The following PTGES3 variants were observed in gnomAD, a reference collection of about 807,000 sequenced individuals.
PTGES3 encodes prostaglandin E synthase 3.
In PTGES3, 5 loss-of-function variants were observed where a neutral mutation model predicts 29.9. That is an observed-to-expected ratio of 0.17 (90% CI 0.09 to 0.35). PTGES3 has a LOEUF of 0.35. Ranked by LOEUF, PTGES3 falls within the 10% of genes least tolerant of loss-of-function variation. The pLI is 1.00. For synonymous variants in PTGES3, 49 were observed against 57.8 expected (o/e 0.85, Z 0.69); for missense variants, 128 against 190.0 (o/e 0.67, Z 1.92).
chr12:56,673,953 G>C (rs1952114434), intron 1 of PTGES3, among the ~76,000 whole-genome samples: 1 of 152,020 alleles, frequency 6.6e-6, no homozygotes, highest in Non-Finnish European at 1.5e-5. Context: ...GGGCAACAGA[G>C]ACTCTGTCTC....
chr12:56,686,851 C>G (rs1952887575), intron 1 of PTGES3: 1 of 393,942 alleles, frequency 2.5e-6, no homozygotes, highest in Non-Finnish European at 4.4e-6. Flanking sequence ...TGACTTGAAT[C>G]AAGCAAATCC....
rs1049103130 is a variant in PTGES3 at position 56,687,922 on chromosome 12, G to A, written c.2+76C>T. ...CACCACCGATGCGAGAAAGGCTAGGGGGCCGCTTCCAGGGAGCCCCCAACG... is the reference window on the plus strand; with the variant it reads ...CACCACCGATGCGAGAAAGGCTAGGAGGCCGCTTCCAGGGAGCCCCCAACG... On this transcript the variant is annotated intron_variant, in intron 1 of 7. Coordinates refer to ENST00000262033, the MANE Select transcript of PTGES3 (RefSeq NM_006601.7). 6 of 1,603,220 alleles carry A rather than the reference G, an allele frequency of 3.7e-6. No homozygotes were observed. In the African/African-American group the frequency reaches 5.4e-5, roughly 14 times the overall value.
intron 1 of PTGES3, among the ~76,000 whole-genome samples, chr12:56,676,775 T>C (rs1952269890): frequency 6.6e-6 from 1 of 151,556 alleles, no homozygotes; most frequent in Admixed American, 6.6e-5. Flanking sequence ...ATACAAAAAT[T>C]AGACAGGCAT....
intron 1 of PTGES3, chr12:56,687,389 T>C (rs1005260099): frequency 3.6e-5 from 36 of 987,404 alleles, no homozygotes; most frequent in Non-Finnish European, 4.2e-5. Context: ...TTCAAGAGAC[T>C]GGAGTTAGGA....
At chr12:56,670,017 T>C (rs898280402) in intron 5 of PTGES3, among the ~76,000 whole-genome samples, 1 of 151,108 alleles carries the variant, frequency 6.6e-6, no homozygotes, top group Non-Finnish European at 1.5e-5. Flanking sequence ...GCAAACTAGC[T>C]GTGTTAGTTT....
intron 1 of PTGES3, among the ~76,000 whole-genome samples, chr12:56,673,477 C>A (rs1405984366): frequency 2.9e-5 from 1 of 34,280 alleles, no homozygotes; most frequent in South Asian, 1.2e-3. Context: ...ACTACAAATA[C>A]AAATACGGAA....
At chr12:56,687,899 C>G in intron 1 of PTGES3, 99 bp downstream of exon 1, 1 of 1,595,396 alleles carries the variant, frequency 6.3e-7, no homozygotes, top group Non-Finnish European at 8.5e-7. Flanking sequence ...ACGACTGCCA[C>G]CACCGATGCG....
At chr12:56,674,509 G>T (rs138214445) in intron 1 of PTGES3, among the ~76,000 whole-genome samples, 22 of 151,720 alleles carry the variant, frequency 1.5e-4, no homozygotes, top group Admixed American at 3.9e-4. Context: ...TGACCAACAC[G>T]GAGAAACTCG....
rs1228859967 is a variant in PTGES3 at position 56,688,139 on chromosome 12, G to A, written c.-140C>T. ...CCTCTTCTCGCTTCCCTCAGGCGAC[G>A]GCGGCAGCGGCGGGCTCGACCTCGG... On this transcript the variant is annotated 5_prime_UTR_variant, in exon 1 of 8. Transcript: ENST00000262033. 2.9e-6 allele frequency: 4 copies of A among 1,380,370 alleles called. No homozygotes were observed. The highest frequency in any genetic ancestry group is 3.3e-5 in the Admixed American group (1 of 30,198). The allele number at this position is 1,380,370 out of a possible 1,614,324, so 85.5% of individuals were successfully genotyped here. A position where few individuals can be genotyped will look rare whatever the true frequency, so the allele number is the denominator to read the frequency against.
intron 1 of PTGES3, among the ~76,000 whole-genome samples, chr12:56,683,825 G>A (rs992750558): frequency 1.3e-4 from 19 of 151,046 alleles, no homozygotes; most frequent in African/African-American, 4.4e-4. Flanking sequence ...CGGGCGAGGT[G>A]GCGGGTGCCT....
intron 1 of PTGES3, among the ~76,000 whole-genome samples, chr12:56,675,917 C>T (rs561466658): frequency 5.9e-5 from 9 of 151,520 alleles, no homozygotes; most frequent in African/African-American, 1.7e-4. Context: ...CGTGAAACTC[C>T]GTCTCAAAAC....
intron 1 of PTGES3, among the ~76,000 whole-genome samples, chr12:56,673,427 C>T (rs1952083962): frequency 7.3e-6 from 1 of 136,298 alleles, no homozygotes; most frequent in Admixed American, 8.6e-5. Context: ...GCCAGGAGAG[C>T]TAGAGACCAG....
chr12:56,680,840 G>A (rs1034524044), intron 1 of PTGES3, among the ~76,000 whole-genome samples: 23 of 149,868 alleles, frequency 1.5e-4, no homozygotes, highest in Admixed American at 4.7e-4. Context: ...GTGCTGTGGC[G>A]TGATCTCAGC....
At chr12:56,680,499 C>A (rs1212732804) in intron 1 of PTGES3, among the ~76,000 whole-genome samples, 2 of 152,094 alleles carry the variant, frequency 1.3e-5, no homozygotes, top group African/African-American at 2.4e-5. Flanking sequence ...GACTATCCTG[C>A]CTCAGCCTCC....
At chr12:56,679,289 C>A (rs1193724397) in intron 1 of PTGES3, among the ~76,000 whole-genome samples, 2 of 151,774 alleles carry the variant, frequency 1.3e-5, no homozygotes, top group Non-Finnish European at 2.9e-5. Context: ...TACCTGTAAT[C>A]CCAGCTACTT....
rs754040277 is a variant in PTGES3 at position 56,682,721 on chromosome 12, G to GAAAAAAAAAAAA, written c.2+5265_2+5276dup. On this transcript the variant is annotated intron_variant, in intron 1 of 7. Transcript: ENST00000262033. The stretch of plus-strand genomic sequence containing the variant: ...GGTAAGATCCCGTCTCCATTTAAAA[G>GAAAAAAAAAAAA]AAAAAAAAAAAAAAAGGCCGGGCGT... 7.4e-4 allele frequency among the ~76,000 whole-genome samples: 84 copies of GAAAAAAAAAAAA among 114,282 alleles called. 8 individuals carry two copies. The highest frequency in any genetic ancestry group is 2.4e-3 in the African/African-American group (71 of 29,080). 75.0% of individuals were successfully genotyped at this position (114,282 alleles called of 152,430 possible).
chr12:56,682,721 G>GAAAAAAAAAA (rs754040277), intron 1 of PTGES3, among the ~76,000 whole-genome samples: 2,126 of 114,194 alleles, frequency 0.019, 179 homozygotes, highest in African/African-American at 0.067. Flanking sequence ...CCATTTAAAA[G>GAAAAAAAAAA]AAAAAAAAAA....
At position 56,685,209 on chromosome 12, in the gene PTGES3, C is replaced by T. The variant is rs7301054; in HGVS notation, c.2+2789G>A. Among the ~76,000 whole-genome samples the T allele has an allele frequency of 5.3e-3, 809 of 152,264 alleles. 1 individual carries two copies. The highest frequency in any genetic ancestry group is 9.0e-3 in the Non-Finnish European group (610 of 68,002). On this transcript the variant is annotated intron_variant, in intron 1 of 7. Transcript: ENST00000262033. The stretch of plus-strand genomic sequence containing the variant: ...TAAAGGCTTCTTCCACTTCAAATAA[C>T]TGACTTACAACTTTCATTTTAAAAT...
intron 3 of PTGES3, among the ~76,000 whole-genome samples, chr12:56,672,258 C>T (rs1952033347): frequency 6.6e-6 from 1 of 152,134 alleles, no homozygotes; most frequent in Non-Finnish European, 1.5e-5. Flanking sequence ...AATCCCAGCA[C>T]TTTGGGAGGC....
Sources: allele counts gnomAD v4.1 joint callset (sites outside exome capture counted in the v4.1 genomes callset), GRCh38; gene constraint gnomAD v4.1.1; transcripts MANE v1.5; gene names NCBI Gene and HGNC (gene_info 2026-07-23, HGNC 2026-07-21).